The following EBF3 variants were observed in gnomAD, a reference collection of about 807,000 sequenced individuals.
EBF3 encodes EBF transcription factor 3.
A neutral mutation model predicts 77.1 loss-of-function variants in EBF3; 18 were observed. That is an observed-to-expected ratio of 0.23 (90% CI 0.16 to 0.35). The LOEUF (loss-of-function observed/expected upper bound fraction) is 0.35, where lower values mean the gene tolerates loss of function less well. Ranked by LOEUF, EBF3 falls within the 10% of genes least tolerant of loss-of-function variation. The pLI is 1.00. For missense variants in EBF3, 558 were observed against 860.0 expected, an observed-to-expected ratio of 0.65 and a Z score of 4.39; for synonymous variants, 350 against 343.5, an observed-to-expected ratio of 1.02 and a Z score of -0.21.
intron 7 of EBF3, among the ~76,000 whole-genome samples, chr10:129,875,983 C>T (rs751197169): frequency 1.3e-4 from 20 of 152,340 alleles, no homozygotes; most frequent in Middle Eastern, 3.4e-3. Flanking sequence ...ACCCTTTTTA[C>T]GTTCCTAAAC....
intron 6 of EBF3, among the ~76,000 whole-genome samples, chr10:129,931,256 T>C (rs78664737): frequency 0.013 from 2,031 of 152,310 alleles, 25 homozygotes; most frequent in Non-Finnish European, 0.024. Flanking sequence ...AGAAAAGCAA[T>C]TGAGAACCCA....
intron 6 of EBF3, among the ~76,000 whole-genome samples, chr10:129,910,393 T>C (rs773753062): frequency 6.6e-6 from 1 of 152,210 alleles, no homozygotes; most frequent in African/African-American, 2.4e-5. Context: ...GAAACAGCTA[T>C]GTGTATGCAC....
At chr10:129,928,001 C>T (rs1179821231) in intron 6 of EBF3, among the ~76,000 whole-genome samples, 1 of 152,194 alleles carries the variant, frequency 6.6e-6, no homozygotes, top group African/African-American at 2.4e-5. Flanking sequence ...TCCAGGCCCC[C>T]ACTGTCTGCT....
intron 6 of EBF3, among the ~76,000 whole-genome samples, chr10:129,956,202 A>G (rs932431061): frequency 1.1e-4 from 17 of 152,236 alleles, no homozygotes; most frequent in African/African-American, 3.9e-4. Context: ...GGCTTAACTC[A>G]TGGAGTTTTC....
Position 129,870,813 on chromosome 10 carries a change from C to G in EBF3, c.781+2639G>C, listed in dbSNP as rs1330885355. Among the ~76,000 whole-genome samples the G allele has an allele frequency of 6.6e-6, 1 of 152,034 alleles. No homozygotes were observed. The highest frequency in any genetic ancestry group is 1.5e-5 in the Non-Finnish European group (1 of 68,014). On this transcript the variant is annotated intron_variant, in intron 8 of 16. Coordinates refer to ENST00000440978, the MANE Select transcript of EBF3 (RefSeq NM_001375380.1). The surrounding 1 kb of genome is among the most constrained non-coding windows in gnomAD (Gnocchi z 4.4). The stretch of plus-strand genomic sequence containing the variant: ...TTTTTTCCTTTCTTTTGGGGTCTCT[C>G]CACCCTATCCAGTATTCTATTAGTA...
intron 6 of EBF3, among the ~76,000 whole-genome samples, chr10:129,919,360 G>A (rs1444412055): frequency 6.6e-6 from 1 of 152,130 alleles, no homozygotes; most frequent in Non-Finnish European, 1.5e-5. Context: ...GGCCCAGCAG[G>A]CAGTGGAGTG....
At position 129,935,130 on chromosome 10, in the gene EBF3, G is replaced by T. The variant is rs1299664431; in HGVS notation, c.554+22128C>A. ...TTCCCTAAGAACCGGACCCTCTAGT[G>T]GATCATGATGTGGATGCATTTTCCT... On this transcript the variant is annotated intron_variant, in intron 6 of 16. Transcript: ENST00000440978. The surrounding 1 kb of genome is among the most constrained non-coding windows in gnomAD (Gnocchi z 4.2). 6.6e-6 allele frequency among the ~76,000 whole-genome samples: 1 copy of T among 152,154 alleles called. No individual in the cohort carries two copies. Among genetic ancestry groups the T allele is most frequent in the Non-Finnish European group, 1.5e-5 (1 of 68,026 alleles).
intron 6 of EBF3, among the ~76,000 whole-genome samples, chr10:129,904,977 G>A (rs1224501470): frequency 6.6e-6 from 1 of 152,238 alleles, no homozygotes; most frequent in Non-Finnish European, 1.5e-5. Flanking sequence ...TTGTCCATAA[G>A]GTGAGGGTTC....
At chr10:129,876,309 C>T (rs1482262670) in intron 7 of EBF3, among the ~76,000 whole-genome samples, 1 of 152,236 alleles carries the variant, frequency 6.6e-6, no homozygotes, top group Non-Finnish European at 1.5e-5. Flanking sequence ...CAGTCAACCA[C>T]GAGATCACCT....
intron 11 of EBF3, among the ~76,000 whole-genome samples, chr10:129,846,050 ATCT>A (rs996452768): frequency 6.8e-6 from 1 of 147,352 alleles, no homozygotes; most frequent in African/African-American, 2.5e-5. Flanking sequence ...TTCCCTTCCA[ATCT>A]CTATTTTTGC....
intron 8 of EBF3, among the ~76,000 whole-genome samples, chr10:129,869,628 G>A (rs555925634): frequency 1.8e-4 from 28 of 152,338 alleles, no homozygotes; most frequent in African/African-American, 6.5e-4. Flanking sequence ...CAGGTCAGAG[G>A]CAGCGCCGTG....
chr10:129,902,461 A>G (rs889151416), intron 6 of EBF3, among the ~76,000 whole-genome samples: 3 of 151,914 alleles, frequency 2.0e-5, no homozygotes, highest in South Asian at 4.2e-4. Flanking sequence ...ATGGCACGCT[A>G]TCTGGGAGGC....
At chr10:129,901,405 C>A (rs1854769259) in intron 6 of EBF3, among the ~76,000 whole-genome samples, 1 of 152,174 alleles carries the variant, frequency 6.6e-6, no homozygotes, top group Non-Finnish European at 1.5e-5. Flanking sequence ...GAATTCTGAT[C>A]CTGATTAGCT....
intron 8 of EBF3, among the ~76,000 whole-genome samples, chr10:129,869,637 T>C (rs1852275714): frequency 6.6e-6 from 1 of 152,332 alleles, no homozygotes; most frequent in Admixed American, 6.5e-5. Flanking sequence ...GGCAGCGCCG[T>C]GCAGACACTG....
intron 6 of EBF3, among the ~76,000 whole-genome samples, chr10:129,886,462 C>A (rs541334091): frequency 6.6e-6 from 1 of 152,178 alleles, no homozygotes; most frequent in Non-Finnish European, 1.5e-5. Context: ...CGGAACAGCA[C>A]CGAGCCCTCT....
intron 6 of EBF3, among the ~76,000 whole-genome samples, chr10:129,920,499 G>A (rs1184011491): frequency 6.6e-6 from 1 of 152,246 alleles, no homozygotes; most frequent in Non-Finnish European, 1.5e-5. Context: ...TGGGTTAATG[G>A]GTGGAGCATT....
At chr10:129,958,767 A>C (rs964358907) in intron 5 of EBF3, among the ~76,000 whole-genome samples, 167 bp downstream of exon 5, 2 of 152,110 alleles carry the variant, frequency 1.3e-5, no homozygotes, top group Non-Finnish European at 2.9e-5. Flanking sequence ...GGGGGGAAGG[A>C]GCGCGGGCTC....
At position 129,863,136 on chromosome 10, in the gene EBF3, A is replaced by G. The variant is rs774936672; in HGVS notation, c.1039+4005T>C. ...TTAACTGGCAATTACATACAGAGTGATTGTTAATTCTGCTCCTAAGTGCTA... is the reference window on the plus strand; with the variant it reads ...TTAACTGGCAATTACATACAGAGTGGTTGTTAATTCTGCTCCTAAGTGCTA... On this transcript the variant is annotated intron_variant, in intron 10 of 16. Coordinates refer to ENST00000440978, the MANE Select transcript of EBF3 (RefSeq NM_001375380.1). This position sits in a 1 kb window ranked among gnomAD's most constrained non-coding sequence, Gnocchi z 4.0. Among the ~76,000 whole-genome samples, 1 of 152,210 alleles carries G rather than the reference A, an allele frequency of 6.6e-6. No homozygotes were observed. The highest frequency in any genetic ancestry group is 1.5e-5 in the Non-Finnish European group (1 of 68,032).
At chr10:129,922,121 G>A (rs145309817) in intron 6 of EBF3, among the ~76,000 whole-genome samples, 234 of 152,298 alleles carry the variant, frequency 1.5e-3, no homozygotes, top group African/African-American at 5.1e-3. Context: ...GCCCTGCCTC[G>A]AATTCCCCTG....
Sources: gnomAD v4.1 joint callset for allele counts (sites outside exome capture counted in the v4.1 genomes callset) on GRCh38, gnomAD v4.1.1 for gene constraint, Gnocchi (gnomAD v3.1) non-coding constraint, MANE v1.5 for transcripts, NCBI Gene and HGNC (gene_info 2026-07-23, HGNC 2026-07-21) for gene names.